The following NRG1 variants were observed in gnomAD, a reference collection of about 807,000 sequenced individuals.
NRG1 encodes the protein pro-neuregulin-1, membrane-bound isoform.
A neutral mutation model predicts 63.8 loss-of-function variants in NRG1; 18 were observed. The ratio of observed to expected loss-of-function variants is 0.28; its 90% CI spans 0.19 to 0.42. The LOEUF (loss-of-function observed/expected upper bound fraction) is 0.42, where lower values mean the gene tolerates loss of function less well. Among genes scored for constraint, NRG1 ranks in the 10% least tolerant of loss-of-function variants. NRG1 has a pLI of 1.00. For missense variants in NRG1, 762 were observed against 814.7 expected (o/e 0.94, Z 0.79); for synonymous variants, 302 against 301.3 (o/e 1.00, Z -0.02).
intron 1 of NRG1, among the ~76,000 whole-genome samples, chr8:32,508,567 G>A (rs1828817644): frequency 6.6e-6 from 1 of 152,040 alleles, no homozygotes; most frequent in African/African-American, 2.4e-5. Context: ...AAAGTTCTGG[G>A]ATTACAGGCG....
intron 6 of NRG1, among the ~76,000 whole-genome samples, chr8:32,735,903 G>A (rs1215970524): frequency 6.6e-6 from 1 of 152,018 alleles, no homozygotes; most frequent in Non-Finnish European, 1.5e-5. Context: ...GACAAGTTAG[G>A]TTTGGTTTGG....
chr8:32,634,630 G>A (rs1850973239), intron 5 of NRG1, among the ~76,000 whole-genome samples: 1 of 152,188 alleles, frequency 6.6e-6, no homozygotes, highest in East Asian at 1.9e-4. Context: ...ATATGTATGT[G>A]AACATGTATA....
intron 1 of NRG1, among the ~76,000 whole-genome samples, chr8:31,966,394 CTG>C (rs1373771601): frequency 2.0e-5 from 3 of 152,200 alleles, no homozygotes; most frequent in African/African-American, 4.8e-5. Flanking sequence ...ATTCTTAAAA[CTG>C]TGTGTAGAAA....
chr8:31,804,872 C>T (rs1218739601), intron 1 of NRG1, among the ~76,000 whole-genome samples: 1 of 152,112 alleles, frequency 6.6e-6, no homozygotes, highest in Non-Finnish European at 1.5e-5. Context: ...ACATGATAGC[C>T]TAGCCAAGTT....
At chr8:31,872,304 C>T (rs1017554786) in intron 1 of NRG1, among the ~76,000 whole-genome samples, 5 of 152,010 alleles carry the variant, frequency 3.3e-5, no homozygotes, top group African/African-American at 1.2e-4. Flanking sequence ...CACTTTTATC[C>T]TTTTACCATT....
intron 1 of NRG1, among the ~76,000 whole-genome samples, chr8:32,071,279 T>C (rs1825721721): frequency 6.6e-6 from 1 of 152,244 alleles, no homozygotes; most frequent in Non-Finnish European, 1.5e-5. Flanking sequence ...AAATAAATGA[T>C]ATTTTTATGA....
intron 5 of NRG1, among the ~76,000 whole-genome samples, chr8:32,670,290 A>T (rs1042272825): frequency 6.6e-6 from 1 of 152,150 alleles, no homozygotes; most frequent in African/African-American, 2.4e-5. Flanking sequence ...TTCCAGTTTG[A>T]GGGAAAAAGA....
intron 1 of NRG1, among the ~76,000 whole-genome samples, chr8:32,146,736 TA>T (rs1198904901): frequency 6.6e-6 from 1 of 151,804 alleles, no homozygotes; most frequent in Admixed American, 6.6e-5. Context: ...TCTTTTTTTT[TA>T]AAAAAAGCAA....
intron 1 of NRG1, among the ~76,000 whole-genome samples, chr8:32,472,417 A>G (rs1017594646): frequency 1.3e-5 from 2 of 152,186 alleles, no homozygotes; most frequent in Non-Finnish European, 2.9e-5. Flanking sequence ...TGATCCACCC[A>G]CCTTGGTCTC....
downstream of NRG1, among the ~76,000 whole-genome samples, chr8:32,772,555 C>A (rs1831886634): frequency 6.6e-6 from 1 of 152,078 alleles, no homozygotes; most frequent in South Asian, 2.1e-4. Context: ...TTGCACCTTT[C>A]TAATTATTAT....
chr8:32,354,275 A>G (rs1189363362), intron 1 of NRG1, among the ~76,000 whole-genome samples: 1 of 152,186 alleles, frequency 6.6e-6, no homozygotes, highest in African/African-American at 2.4e-5. Flanking sequence ...AGGCTGAGGC[A>G]GGAGAATCGC....
At chr8:32,037,433 C>T (rs1454824243) in intron 1 of NRG1, among the ~76,000 whole-genome samples, 1 of 152,212 alleles carries the variant, frequency 6.6e-6, no homozygotes, top group Non-Finnish European at 1.5e-5. Context: ...CTTAAATAAA[C>T]AGCCTGGCTT....
chr8:31,698,236 A>G lies in NRG1; in HGVS notation c.37+58805A>G, dbSNP rs530574518. Among the ~76,000 whole-genome samples, 19 of 152,150 alleles carry G rather than the reference A, an allele frequency of 1.2e-4. No homozygotes were observed. In the East Asian group the frequency reaches 3.3e-3, roughly 26 times the overall value. On this transcript the variant is annotated intron_variant, in intron 1 of 10. Coordinates refer to the NRG1 transcript ENST00000519301. ...TGTGGCAGTATTTCTCCCCCAAAAC[A>G]CTTAGAGATGTTTGATTTTATCCTT... is the stretch of plus-strand genomic sequence containing the variant.
intron 7 of NRG1, among the ~76,000 whole-genome samples, chr8:32,748,358 C>CACACAGAGAGAG (rs748763782): frequency 0.015 from 1,890 of 121,942 alleles, 36 homozygotes; most frequent in South Asian, 0.024. Context: ...CACACACACA[C>CACACAGAGAGAG]AGAGAGAGAG....
rs946270108 is a variant in NRG1, at chr8:31,791,547, A to G, written c.37+152116A>G. Among the ~76,000 whole-genome samples, 5 of 152,310 alleles carry G rather than the reference A, an allele frequency of 3.3e-5. 1 individual carries two copies. The highest frequency in any genetic ancestry group is 1.5e-5 in the Non-Finnish European group (1 of 68,026). ...GTCACTCACAATATTACCTAATGCT[A>G]TCTAATGTATTCTGTTCTTAGAGAA... On this transcript the variant is annotated intron_variant, in intron 1 of 10. Transcript: ENST00000519301.
chr8:32,580,366 G>T (rs1220107653), intron 1 of NRG1, among the ~76,000 whole-genome samples: 3 of 151,934 alleles, frequency 2.0e-5, no homozygotes, highest in Non-Finnish European at 2.9e-5. Flanking sequence ...ACTCTAAGTG[G>T]GCAGTTATTT....
At chr8:32,520,746 T>C (rs1365817855) in intron 1 of NRG1, among the ~76,000 whole-genome samples, 1 of 152,210 alleles carries the variant, frequency 6.6e-6, no homozygotes, top group Non-Finnish European at 1.5e-5. Flanking sequence ...TCTGAAAATA[T>C]TAGATAAAAA....
intron 1 of NRG1, among the ~76,000 whole-genome samples, chr8:32,104,115 A>G (rs1830941131): frequency 6.6e-6 from 1 of 152,192 alleles, no homozygotes; most frequent in African/African-American, 2.4e-5. Context: ...CACAGAGTGC[A>G]CTTACATGAA....
At chr8:32,659,678 G>A (rs187049655) in intron 5 of NRG1, among the ~76,000 whole-genome samples, 15 of 152,124 alleles carry the variant, frequency 9.9e-5, no homozygotes, top group African/African-American at 2.4e-4. Flanking sequence ...TTGAAGACAC[G>A]CCTGCAGCAG....
Sources: allele counts gnomAD v4.1 joint callset (sites outside exome capture counted in the v4.1 genomes callset), GRCh38; gene constraint gnomAD v4.1.1; transcripts MANE v1.5; gene names NCBI Gene and HGNC (gene_info 2026-07-23, HGNC 2026-07-21).